PITRM1: variants seen among roughly 807,000 people sequenced by gnomAD.
The protein encoded by PITRM1 is pitrilysin metallopeptidase 1, also known as presequence protease, mitochondrial.
A neutral mutation model predicts 129.9 loss-of-function variants in PITRM1; 100 were observed. The observed-to-expected ratio is 0.77, with a 90% CI of 0.65 to 0.91. PITRM1 has a LOEUF of 0.91. Among genes scored for constraint, PITRM1 ranks in the 40% least tolerant of loss-of-function variants. The pLI is 0.00. For missense variants in PITRM1, 1,471 were observed against 1,318.3 expected (o/e 1.12, Z -1.79); for synonymous variants, 591 against 508.8 (o/e 1.16, Z -2.17).
intron 3 of PITRM1, 140 bp from the exon 4 acceptor site, chr10:3,166,520 A>C: frequency 3.7e-6 from 2 of 537,264 alleles, no homozygotes; most frequent in Non-Finnish European, 6.5e-6. Context: ...TCCAACTATA[A>C]TGTAAATCAT....
In PITRM1 at chr10:3,165,262, G is replaced by A. The variant is rs964653348; in HGVS notation, c.606C>T (p.Val202=). 5.1e-6 allele frequency: 8 copies of A among 1,576,632 alleles called. No individual in the cohort carries two copies. The African/African-American group carries it at 1.1e-4, about 21-fold the overall frequency. ...PQTPLVFKGV[V]FNEMKGAFTD... ...CAAACGCTCCCTTCATCTCATTAAA[G>A]ACGACTCCTTTAAAGACCAAGGGCG... is the stretch of plus-strand genomic sequence containing the variant. Residue 202 remains valine (V), a synonymous_variant, in exon 6 of 27, where the codon GTC becomes GTT. Coordinates refer to ENST00000224949, the MANE Select transcript of PITRM1 (RefSeq NM_014889.4).
intron 24 of PITRM1, among the ~76,000 whole-genome samples, chr10:3,139,818 G>T (rs138571264): frequency 6.6e-6 from 1 of 152,288 alleles, no homozygotes; most frequent in East Asian, 1.9e-4. Context: ...TTGCCACTGC[G>T]GCCGGCTGGC....
intron 7 of PITRM1, among the ~76,000 whole-genome samples, chr10:3,162,305 T>C (rs1237907502): frequency 6.6e-6 from 1 of 152,150 alleles, no homozygotes; most frequent in Admixed American, 6.5e-5. Context: ...GATAACCCGA[T>C]AGCCCAGCTG....
intron 16 of PITRM1, chr10:3,149,313 A>C: frequency 4.4e-6 from 1 of 227,220 alleles, no homozygotes; most frequent in Non-Finnish European, 8.6e-6. Flanking sequence ...CCCAGGCCAC[A>C]CTGCACATCC....
chr10:3,139,450 T>C (rs1481740515), intron 24 of PITRM1, among the ~76,000 whole-genome samples: 1 of 152,154 alleles, frequency 6.6e-6, no homozygotes, highest in Non-Finnish European at 1.5e-5. Context: ...ACACCCAGGG[T>C]AGTACAGGAA....
At chr10:3,141,652 A>T (rs1447274747) in intron 23 of PITRM1, 1 of 470,526 alleles carries the variant, frequency 2.1e-6, no homozygotes, top group Non-Finnish European at 4.4e-6. Flanking sequence ...CAATGATGGG[A>T]GGGTCTGCAG....
chr10:3,144,011 C>T, intron 22 of PITRM1: 1 of 560,236 alleles, frequency 1.8e-6, no homozygotes, highest in South Asian at 2.0e-5. Context: ...AGGAGACCAC[C>T]CAGAGCAGTA....
intron 8 of PITRM1, 88 bp from the exon 9 acceptor site, chr10:3,160,024 A>C (rs1276765645): frequency 5.6e-6 from 7 of 1,248,030 alleles, no homozygotes; most frequent in Non-Finnish European, 8.0e-6. Flanking sequence ...AATGGAGCGA[A>C]ACAGGCTTTC....
intron 12 of PITRM1, 175 bp from the exon 13 acceptor site, chr10:3,157,239 C>T: frequency 1.4e-6 from 1 of 709,832 alleles, no homozygotes; most frequent in African/African-American, 1.8e-5. Context: ...CTTACTTTAG[C>T]CCTGTTTTGT....
chr10:3,147,731 G>A lies in PITRM1; in HGVS notation c.2076C>T (p.Cys692=). The part of the protein sequence containing the change: ...QLWSEIFNNP[C]FEEEEHFKVL... ...CCTTGAAGTGCTCCTCTTCTTCAAAGCACGGGCTATGGAAAAAGGAGAAGA... is the reference window on the plus strand; with the variant it reads ...CCTTGAAGTGCTCCTCTTCTTCAAAACACGGGCTATGGAAAAAGGAGAAGA... Residue 692 remains cysteine (C), a synonymous_variant, in exon 19 of 27, where the codon TGC becomes TGT. Transcript: ENST00000224949. The A allele has an allele frequency of 6.3e-7, 1 of 1,588,118 alleles. No homozygotes were observed. The highest frequency in any genetic ancestry group is 2.2e-5 in the East Asian group (1 of 44,706).
At chr10:3,142,729 G>A (rs1387092446) in intron 23 of PITRM1, among the ~76,000 whole-genome samples, 1 of 152,204 alleles carries the variant, frequency 6.6e-6, no homozygotes, top group African/African-American at 2.4e-5. Context: ...TCAACCCAGG[G>A]CCTCCTTCCC....
rs768994675 is a variant in PITRM1, at chr10:3,147,256, C to G, written c.2236-6G>C. On this transcript the variant is annotated splice_polypyrimidine_tract_variant and splice_region_variant and intron_variant, in intron 19 of 26. Transcript: ENST00000224949. The stretch of plus-strand genomic sequence containing the variant: ...ATCCTCTTCATCAGCCGCACCTAAG[C>G]CAGAGGAAACTCGCTCAGAGAGAGG... The G allele has an allele frequency of 6.2e-7, 1 of 1,602,136 alleles. No homozygotes were observed. The highest frequency in any genetic ancestry group is 8.5e-7 in the Non-Finnish European group (1 of 1,169,724).
intron 10 of PITRM1, 52 bp downstream of exon 10, chr10:3,158,862 A>G: frequency 6.3e-7 from 1 of 1,584,014 alleles, no homozygotes; most frequent in Non-Finnish European, 8.6e-7. Context: ...TGGAGGAGCA[A>G]AACTGCCCCC....
chr10:3,144,028 T>C (rs1840562694), intron 22 of PITRM1: 2 of 568,314 alleles, frequency 3.5e-6, no homozygotes, highest in Non-Finnish European at 6.3e-6. Flanking sequence ...AGTAGCCCTC[T>C]TCCTGGGCAC....
chr10:3,151,254 G>A lies in PITRM1; in HGVS notation c.1731C>T (p.Val577=). ...PTIPVTELDV[V]LTAGDIPVQY... ...CGTAGCGTTCACAGTGACCTGTCAGGACCACGTCCAACTCTGTGACAGGTA... is the reference window on the plus strand; with the variant it reads ...CGTAGCGTTCACAGTGACCTGTCAGAACCACGTCCAACTCTGTGACAGGTA... Residue 577 remains valine, a synonymous_variant, in exon 15 of 27, where the codon GTC becomes GTT. Transcript: ENST00000224949. 6.3e-7 allele frequency: 1 copy of A among 1,582,544 alleles called. No individual in the cohort carries two copies.
chr10:3,170,691 G>T (rs1054014475), intron 1 of PITRM1, among the ~76,000 whole-genome samples: 5 of 152,170 alleles, frequency 3.3e-5, no homozygotes, highest in African/African-American at 9.7e-5. Flanking sequence ...AAAGCACTTG[G>T]CATTCTTTAG....
rs982091379 is a variant in PITRM1 at position 3,172,782 on chromosome 10, C to G, written c.-10G>C. On this transcript the variant is annotated 5_prime_UTR_variant, in exon 1 of 27. Coordinates refer to ENST00000224949, the MANE Select transcript of PITRM1 (RefSeq NM_014889.4). The stretch of plus-strand genomic sequence containing the variant: ...CGCCGCAGCGCCACATTGCGCATGA[C>G]GAGCACCTGGCTGGCGAGGAACCCC... The G allele has an allele frequency of 1.3e-6, 2 of 1,538,978 alleles. No individual in the cohort carries two copies. The highest frequency in any genetic ancestry group is 1.4e-5 in the African/African-American group (1 of 70,166).
intron 14 of PITRM1, 32 bp downstream of exon 14, chr10:3,155,559 G>C: frequency 1.2e-6 from 2 of 1,612,832 alleles, no homozygotes; most frequent in Non-Finnish European, 1.7e-6. Context: ...GTGCAGGTTA[G>C]GGACTCGCCA....
At chr10:3,166,773 T>C (rs971801971) in intron 3 of PITRM1, among the ~76,000 whole-genome samples, 163 bp downstream of exon 3, 3 of 152,204 alleles carry the variant, frequency 2.0e-5, no homozygotes, top group Non-Finnish European at 2.9e-5. Flanking sequence ...GGGTCCTTTA[T>C]TTATTATTTT....
Sources: gnomAD v4.1 joint callset for allele counts (sites outside exome capture counted in the v4.1 genomes callset) on GRCh38, gnomAD v4.1.1 for gene constraint, MANE v1.5 for transcripts, NCBI Gene and HGNC (gene_info 2026-07-23, HGNC 2026-07-21) for gene names.